SLC26A5: variants seen among roughly 807,000 people sequenced by gnomAD.
SLC26A5 encodes the protein solute carrier family 26 member 5.
SLC26A5 carries 51 observed loss-of-function variants against 81.0 expected under a neutral mutation model. That is an observed-to-expected ratio of 0.63 (90% CI 0.50 to 0.80). SLC26A5 has a LOEUF of 0.80. SLC26A5 is among the 30% of genes least tolerant of loss of function. The pLI is 0.00. For missense variants in SLC26A5, 771 were observed against 905.8 expected (o/e 0.85, Z 1.91); for synonymous variants, 325 against 332.8 (o/e 0.98, Z 0.25).
intron 9 of SLC26A5, among the ~76,000 whole-genome samples, chr7:103,394,377 G>T (rs1192052675): frequency 6.6e-6 from 1 of 152,142 alleles, no homozygotes. Flanking sequence ...AGTCAAACCT[G>T]GGGGGTCTGG....
At chr7:103,444,344 C>T (rs1366162648) in intron 1 of SLC26A5, among the ~76,000 whole-genome samples, 1 of 152,162 alleles carries the variant, frequency 6.6e-6, no homozygotes, top group Admixed American at 6.5e-5. Context: ...ATCATGATTT[C>T]CCTAGAAAAC....
chr7:103,395,343 CT>C (rs34420602), intron 9 of SLC26A5, among the ~76,000 whole-genome samples: 128 of 105,140 alleles, frequency 1.2e-3, no homozygotes, highest in Admixed American at 2.9e-3. Flanking sequence ...AACGTAAGGT[CT>C]TTTTTTTTTT....
chr7:103,362,213 T>C (rs1437604943), intron 19 of SLC26A5: 20 of 1,487,254 alleles, frequency 1.3e-5, no homozygotes, highest in Admixed American at 2.8e-5. Context: ...GATCTAGTAA[T>C]GTACTATAGT....
At position 103,396,963 on chromosome 7, in the gene SLC26A5, C is replaced by T. The variant is rs556008329; in HGVS notation, c.971+969G>A. Among the ~76,000 whole-genome samples the T allele has an allele frequency of 2.2e-4, 33 of 150,638 alleles. 1 individual carries two copies. Among genetic ancestry groups the T allele is most frequent in the South Asian group, 1.3e-3 (6 of 4,770 alleles). On this transcript the variant is annotated intron_variant, in intron 9 of 19. Coordinates refer to ENST00000306312, the MANE Select transcript of SLC26A5 (RefSeq NM_198999.3). Reference sequence around the variant, plus strand: ...TATAAAAATTAGTTGGATGTGGTGGCACACACCTGTAATCCCAGCTACTCA... The same window carrying T: ...TATAAAAATTAGTTGGATGTGGTGGTACACACCTGTAATCCCAGCTACTCA...
intron 2 of SLC26A5, among the ~76,000 whole-genome samples, chr7:103,440,949 C>G (rs1826829655): frequency 6.6e-6 from 1 of 152,182 alleles, no homozygotes; most frequent in African/African-American, 2.4e-5. Flanking sequence ...TGCCAGTTCA[C>G]CCCTGGAGAC....
chr7:103,383,180 T>C (rs1304116611), intron 14 of SLC26A5, among the ~76,000 whole-genome samples: 1 of 152,164 alleles, frequency 6.6e-6, no homozygotes, highest in African/African-American at 2.4e-5. Flanking sequence ...TCAGCTGAGT[T>C]TGCAATTATG....
chr7:103,386,438 G>A (rs1253010642), intron 14 of SLC26A5, among the ~76,000 whole-genome samples: 4 of 151,880 alleles, frequency 2.6e-5, no homozygotes, highest in East Asian at 2.0e-4. Flanking sequence ...GTGGTGGCAC[G>A]CGCCTGTAGT....
At chr7:103,412,803 G>T (rs564056621) in intron 5 of SLC26A5, among the ~76,000 whole-genome samples, 199 bp downstream of exon 5, 1 of 152,098 alleles carries the variant, frequency 6.6e-6, no homozygotes, top group South Asian at 2.1e-4. Flanking sequence ...TGCCCGCCTC[G>T]GCCTCCCAGA....
At chr7:103,404,205 G>A (rs1180820986) in intron 8 of SLC26A5, among the ~76,000 whole-genome samples, 1 of 152,006 alleles carries the variant, frequency 6.6e-6, no homozygotes, top group Non-Finnish European at 1.5e-5. Flanking sequence ...ATATTGTTAT[G>A]TGTGAATTTG....
intron 14 of SLC26A5, among the ~76,000 whole-genome samples, chr7:103,385,702 C>CTTTT (rs1179157860): frequency 2.4e-5 from 3 of 122,690 alleles, no homozygotes; most frequent in African/African-American, 8.5e-5. Flanking sequence ...CTTTTCTTTT[C>CTTTT]TTTTTTTTTT....
At chr7:103,357,911 G>T (rs1338746435) in intron 19 of SLC26A5, among the ~76,000 whole-genome samples, 2 of 152,044 alleles carry the variant, frequency 1.3e-5, no homozygotes, top group Middle Eastern at 6.8e-3. Flanking sequence ...GTGTTCTCTC[G>T]GTTTCATTTT....
At chr7:103,363,338 T>C in intron 19 of SLC26A5, 1 of 1,607,654 alleles carries the variant, frequency 6.2e-7, no homozygotes, top group Admixed American at 1.7e-5. Context: ...TCTGTCCCTC[T>C]CTTAGGTGGA....
intron 14 of SLC26A5, 46 bp from the exon 15 acceptor site, chr7:103,380,595 G>T (rs761719193): frequency 6.5e-7 from 1 of 1,536,396 alleles, no homozygotes; most frequent in South Asian, 1.1e-5. Context: ...GGCACAGCGT[G>T]TGATTTCAAC....
chr7:103,437,403 C>T (rs538263283), intron 2 of SLC26A5, among the ~76,000 whole-genome samples: 108 of 152,262 alleles, frequency 7.1e-4, no homozygotes, highest in South Asian at 2.7e-3. Context: ...AATAGAACTA[C>T]CATATGATCC....
intron 6 of SLC26A5, among the ~76,000 whole-genome samples, chr7:103,411,000 A>T (rs941328907): frequency 6.6e-6 from 1 of 152,188 alleles, no homozygotes. Context: ...ACCACTGGTT[A>T]TACAGAAAAC....
chr7:103,411,480 G>T lies in SLC26A5; in HGVS notation c.510C>A (p.Ala170=). 6.2e-7 allele frequency: 1 copy of T among 1,614,112 alleles called. No individual in the cohort carries two copies. Among genetic ancestry groups the T allele is most frequent in the Non-Finnish European group, 8.5e-7 (1 of 1,180,018 alleles). The part of the protein sequence containing the change: ...GGVNATNGTE[A]RDALRVKVAM... ...CGACTTTCACTCTCAAGGCATCTCTGGCCTCTGTGCCATTGGTTGCATTTA... is the reference window on the plus strand; with the variant it reads ...CGACTTTCACTCTCAAGGCATCTCTTGCCTCTGTGCCATTGGTTGCATTTA... The change falls in exon 6 of 20, where the codon GCC becomes GCA. Residue 170 remains alanine (A), a synonymous_variant. Coordinates refer to ENST00000306312, the MANE Select transcript of SLC26A5 (RefSeq NM_198999.3).
At chr7:103,361,330 C>T (rs565577133) in intron 19 of SLC26A5, among the ~76,000 whole-genome samples, 1 of 144,636 alleles carries the variant, frequency 6.9e-6, no homozygotes, top group Non-Finnish European at 1.5e-5. Context: ...GAAACCCCCT[C>T]TCTACTAAAA....
chr7:103,417,595 T>C (rs1825023696), intron 4 of SLC26A5, among the ~76,000 whole-genome samples: 1 of 152,102 alleles, frequency 6.6e-6, no homozygotes, highest in South Asian at 2.1e-4. Flanking sequence ...ATGCTTTCTA[T>C]AGGTCTGATT....
Position 103,403,625 on chromosome 7 carries a change from T to C in SLC26A5, c.888+4226A>G, listed in dbSNP as rs1823781375. 5.3e-5 allele frequency among the ~76,000 whole-genome samples: 8 copies of C among 152,086 alleles called. No homozygotes were observed. In the South Asian group the frequency reaches 1.7e-3, roughly 32 times the overall value. The stretch of plus-strand genomic sequence containing the variant: ...CATTGATCTCTTTATCATTATGTAA[T>C]GCCCTTGTCTTTTTTGATCTTTGTT... On this transcript the variant is annotated intron_variant, in intron 8 of 19. Coordinates refer to ENST00000306312, the MANE Select transcript of SLC26A5 (RefSeq NM_198999.3).
Sources: allele counts gnomAD v4.1 joint callset (sites outside exome capture counted in the v4.1 genomes callset), GRCh38; gene constraint gnomAD v4.1.1; transcripts MANE v1.5; gene names NCBI Gene and HGNC (gene_info 2026-07-23, HGNC 2026-07-21).